Variants in KIF16B observed in about 807,000 individuals in gnomAD.
KIF16B encodes the protein kinesin-like protein KIF16B.
Under a neutral mutation model 156.3 loss-of-function variants are expected in KIF16B, and 98 were observed. The observed-to-expected ratio is 0.63, with a 90% CI of 0.53 to 0.74. The LOEUF (loss-of-function observed/expected upper bound fraction) is 0.74. Ranked by LOEUF, KIF16B falls within the 30% of genes least tolerant of loss-of-function variation. KIF16B has a pLI of 0.00. For missense variants in KIF16B, 1,421 were observed against 1,606.5 expected (o/e 0.88, Z 1.97); for synonymous variants, 564 against 583.7 (o/e 0.97, Z 0.49).
chr20:16,360,172 T>G (rs1282962125), intron 22 of KIF16B, among the ~76,000 whole-genome samples: 1 of 152,188 alleles, frequency 6.6e-6, no homozygotes, highest in Non-Finnish European at 1.5e-5. Flanking sequence ...GTCAATTTCA[T>G]GAGAAATGTG....
intron 17 of KIF16B, chr20:16,382,223 AG>A: frequency 2.7e-6 from 2 of 738,262 alleles, no homozygotes; most frequent in Non-Finnish European, 3.9e-6. Context: ...TCAGGAGAAA[AG>A]CAGTAAGGTA....
chr20:16,313,562 C>G (rs147672457), intron 24 of KIF16B, among the ~76,000 whole-genome samples: 219 of 152,332 alleles, frequency 1.4e-3, no homozygotes, highest in African/African-American at 5.0e-3. Flanking sequence ...ACCCCCAGAG[C>G]TGCACTTGCT....
intron 25 of KIF16B, among the ~76,000 whole-genome samples, chr20:16,280,252 CA>C (rs1292992145): frequency 6.6e-6 from 1 of 152,212 alleles, no homozygotes; most frequent in Admixed American, 6.5e-5. Flanking sequence ...TCCATCCTGG[CA>C]AAAACCTGTG....
intron 1 of KIF16B, among the ~76,000 whole-genome samples, chr20:16,537,636 C>CCTTCCCACATACTAAAGTAT (rs1203927057): frequency 1.3e-5 from 2 of 151,940 alleles, no homozygotes; most frequent in African/African-American, 4.8e-5. Flanking sequence ...CTGGTTCTTG[C>CCTTCCCACATACTAAAGTAT]CTTCCCACAT....
intron 22 of KIF16B, chr20:16,368,243 GA>G: frequency 1.0e-6 from 1 of 1,002,974 alleles, no homozygotes; most frequent in Non-Finnish European, 1.2e-6. Context: ...TATTCAAGGC[GA>G]AAAACTGAGC....
chr20:16,511,953 C>A (rs1348006747), intron 5 of KIF16B, among the ~76,000 whole-genome samples: 1 of 152,076 alleles, frequency 6.6e-6, no homozygotes, highest in African/African-American at 2.4e-5. Flanking sequence ...TCAAGACCAG[C>A]CTGACCAACA....
intron 25 of KIF16B, 47 bp from the exon 26 acceptor site, chr20:16,273,458 G>A (rs2063012274): frequency 1.9e-6 from 3 of 1,567,392 alleles, no homozygotes; most frequent in Non-Finnish European, 2.6e-6. Context: ...GGGAGGTCAA[G>A]GCGGGTGGGA....
At chr20:16,300,728 A>C (rs1452333695) in intron 25 of KIF16B, among the ~76,000 whole-genome samples, 1 of 152,132 alleles carries the variant, frequency 6.6e-6, no homozygotes, top group African/African-American at 2.4e-5. Context: ...GTAGTATACA[A>C]ATTTCCCATA....
intron 12 of KIF16B, among the ~76,000 whole-genome samples, chr20:16,450,653 T>A (rs2067055548): frequency 6.6e-6 from 1 of 151,998 alleles, no homozygotes; most frequent in African/African-American, 2.4e-5. Flanking sequence ...GGGCTGTGAG[T>A]TTCATGAGAA....
At chr20:16,377,284 G>A (rs573319598) in intron 19 of KIF16B, among the ~76,000 whole-genome samples, 4 of 152,190 alleles carry the variant, frequency 2.6e-5, no homozygotes, top group South Asian at 4.1e-4. Context: ...ACTGAGCAGG[G>A]AGTGGTGGCT....
intron 23 of KIF16B, among the ~76,000 whole-genome samples, chr20:16,346,511 C>G (rs995004711): frequency 6.6e-6 from 1 of 152,276 alleles, no homozygotes; most frequent in Admixed American, 6.5e-5. Context: ...TGATTGACTC[C>G]CAAATTACAC....
chr20:16,354,661 A>C (rs2064402382), intron 23 of KIF16B, among the ~76,000 whole-genome samples: 2 of 152,220 alleles, frequency 1.3e-5, no homozygotes, highest in South Asian at 4.1e-4. Flanking sequence ...GAATAACAGC[A>C]AAGGCTGGGC....
At chr20:16,557,057 AC>A (rs1279341191) in intron 1 of KIF16B, among the ~76,000 whole-genome samples, 3 of 151,166 alleles carry the variant, frequency 2.0e-5, no homozygotes, top group African/African-American at 7.3e-5. Context: ...AGATGTATTT[AC>A]CATGAAAAAT....
chr20:16,280,867 T>TGTGTGTGTGTGTGTGTGTGTGTGC (rs758721339), intron 25 of KIF16B, among the ~76,000 whole-genome samples: 1 of 150,788 alleles, frequency 6.6e-6, no homozygotes, highest in African/African-American at 2.4e-5. Context: ...TGTGTGTGTG[T>TGTGTGTGTGTGTGTGTGTGTGTGC]GCGCAGAAAA....
At chr20:16,452,499 C>T (rs934105476) in intron 12 of KIF16B, among the ~76,000 whole-genome samples, 1 of 151,478 alleles carries the variant, frequency 6.6e-6, no homozygotes, top group African/African-American at 2.4e-5. Context: ...CATCCTAAAA[C>T]TTCAAAGACA....
intron 25 of KIF16B, among the ~76,000 whole-genome samples, chr20:16,283,785 G>T (rs1309338332): frequency 6.6e-6 from 1 of 152,120 alleles, no homozygotes; most frequent in Non-Finnish European, 1.5e-5. Flanking sequence ...TGAAACGAAG[G>T]TGTTAAAAAG....
At chr20:16,295,922 G>A (rs926792068) in intron 25 of KIF16B, among the ~76,000 whole-genome samples, 1 of 152,192 alleles carries the variant, frequency 6.6e-6, no homozygotes, top group Admixed American at 6.5e-5. Context: ...CTGGAAGGTA[G>A]TCAATGTTTT....
At chr20:16,455,318 T>C (rs1372015531) in intron 12 of KIF16B, among the ~76,000 whole-genome samples, 1 of 151,392 alleles carries the variant, frequency 6.6e-6, no homozygotes, top group Non-Finnish European at 1.5e-5. Context: ...AGTGCTAGGA[T>C]GACAGGTATG....
chr20:16,379,260 C>T lies in KIF16B; in HGVS notation c.2742G>A (p.Gln914=). ...YKERQLQYLL[Q]NHLPTLLEEK... is the part of the protein sequence containing the mutation. ...CTTCCAACAGAGTTGGCAAGTGATT[C>T]TGCAGGAGGTACTGTAGCTGGCGTT... The change falls in exon 19 of 26, where the codon CAG becomes CAA. Residue 914 remains glutamine (Q), a synonymous_variant. Transcript: ENST00000354981. The T allele has an allele frequency of 6.2e-7, 1 of 1,614,094 alleles. No homozygotes were observed.
Sources: allele counts gnomAD v4.1 joint callset (sites outside exome capture counted in the v4.1 genomes callset), GRCh38; gene constraint gnomAD v4.1.1; transcripts MANE v1.5; gene names NCBI Gene and HGNC (gene_info 2026-07-23, HGNC 2026-07-21).